The following PAFAH1B3 variants were observed in gnomAD, a reference collection of about 807,000 sequenced individuals.
PAFAH1B3 encodes the protein platelet activating factor acetylhydrolase 1b catalytic subunit 3.
Under a neutral mutation model 24.4 loss-of-function variants are expected in PAFAH1B3, and 15 were observed. That is an observed-to-expected ratio of 0.62 (90% CI 0.41 to 0.95). The LOEUF is 0.95. PAFAH1B3 is among the 40% of genes least tolerant of loss of function. The pLI is 0.00. For missense variants in PAFAH1B3, 266 were observed against 312.2 expected, an observed-to-expected ratio of 0.85 and a Z score of 1.12; for synonymous variants, 144 against 126.5, an observed-to-expected ratio of 1.14 and a Z score of -0.93.
At chr19:42,300,376 C>T in intron 2 of PAFAH1B3, 89 bp from the exon 3 acceptor site, 5 of 1,115,494 alleles carry the variant, frequency 4.5e-6, no homozygotes, top group Non-Finnish European at 6.8e-6. Flanking sequence ...AGGTGTTAAC[C>T]AAATGCCATT....
rs978507007 is a variant in PAFAH1B3, at chr19:42,302,368, C to A, written c.-59G>T. On this transcript the variant is annotated 5_prime_UTR_variant, in exon 1 of 5. Transcript: ENST00000262890. ...CGGGTCGGCCCGGGAGTGTTCCGAA[C>A]GGAGCTGGCTCCGCCACGCCCACTC... 6.1e-6 allele frequency: 9 copies of A among 1,478,764 alleles called. No homozygotes were observed. Among genetic ancestry groups the A allele is most frequent in the Non-Finnish European group, 7.3e-6 (8 of 1,093,474 alleles). The allele number at this position is 1,478,764 out of a possible 1,614,324, so 91.6% of individuals were successfully genotyped here.
rs1301387132 is a variant in PAFAH1B3, at chr19:42,300,078, C to G, written c.300G>C (p.Trp100Cys). The G allele has an allele frequency of 6.2e-7, 1 of 1,614,066 alleles. No individual in the cohort carries two copies. Among genetic ancestry groups the G allele is most frequent in the Non-Finnish European group, 8.5e-7 (1 of 1,180,044 alleles). ...EHIRPKIVVV[W>C]VGTNNHGHTA... ...TGTGTCCGTGGTTGTTGGTGCCCACCCAGACCACCACAATCTGTGGAAAAA... is the reference window on the plus strand; with the variant it reads ...TGTGTCCGTGGTTGTTGGTGCCCACGCAGACCACCACAATCTGTGGAAAAA... Residue 100 changes from tryptophan (W) to cysteine (C), a missense_variant, in exon 4 of 5, where the codon TGG becomes TGC. Trp to Cys is a radical substitution (Grantham distance 215). Transcript: ENST00000262890.
chr19:42,302,663 G>A (rs966879361), upstream of PAFAH1B3: 3 of 307,624 alleles, frequency 9.8e-6, no homozygotes, highest in Non-Finnish European at 1.9e-5. Flanking sequence ...GGAGGAGGGA[G>A]AAACCACCCA....
intron 2 of PAFAH1B3, 110 bp downstream of exon 2, chr19:42,301,840 G>C: frequency 1.2e-6 from 1 of 809,968 alleles, no homozygotes; most frequent in South Asian, 1.5e-5. Flanking sequence ...CGGGCTGCCT[G>C]AGGCCAATCT....
chr19:42,301,207 G>C (rs931286668), intron 2 of PAFAH1B3, among the ~76,000 whole-genome samples: 2 of 152,032 alleles, frequency 1.3e-5, no homozygotes, highest in Non-Finnish European at 2.9e-5. Context: ...ACCAACCTGC[G>C]CAACAGGGCA....
rs1270887120 is a variant in PAFAH1B3, at chr19:42,302,468, G to A, written c.-159C>T. 1.1e-5 allele frequency: 7 copies of A among 627,260 alleles called. No individual in the cohort carries two copies. Among genetic ancestry groups the A allele is most frequent in the African/African-American group, 1.8e-5 (1 of 54,232 alleles). The allele number at this position is 627,260 out of a possible 1,614,324, so 38.9% of individuals were successfully genotyped here. A position where few individuals can be genotyped will look rare whatever the true frequency, so the allele number is the denominator to read the frequency against. ...AGGACGAAGGCCGATACAGGGCGCC[G>A]CCTCCTCTCCAGGGACGGAAGCCTT... On this transcript the variant is annotated 5_prime_UTR_variant, in exon 1 of 5. Coordinates refer to ENST00000262890, the MANE Select transcript of PAFAH1B3 (RefSeq NM_002573.4).
In PAFAH1B3 at chr19:42,297,735, G is replaced by A. The variant is rs150390258; in HGVS notation, c.409-370C>T. 9.2e-3 allele frequency among the ~76,000 whole-genome samples: 1,397 copies of A among 151,980 alleles called. 12 individuals are homozygous for A. The highest frequency in any genetic ancestry group is 0.016 in the Non-Finnish European group (1,073 of 67,952). ...ACTACGGGCACCCACCATCATGCCC[G>A]GCTAATTTTTTGTATTTTTATTAGA... On this transcript the variant is annotated intron_variant, in intron 4 of 4. Coordinates refer to ENST00000262890, the MANE Select transcript of PAFAH1B3 (RefSeq NM_002573.4).
chr19:42,300,098 G>A lies in PAFAH1B3; in HGVS notation c.286-6C>T. 6.2e-7 allele frequency: 1 copy of A among 1,614,094 alleles called. No individual in the cohort carries two copies. On this transcript the variant is annotated splice_region_variant and splice_polypyrimidine_tract_variant and intron_variant, in intron 3 of 4. Transcript: ENST00000262890. ...CCCACCCAGACCACCACAATCTGTG[G>A]AAAAAGAGACATGAAGCAGCGGTGA...
chr19:42,300,261 C>A lies in PAFAH1B3; in HGVS notation c.195G>T (p.Leu65=). The A allele has an allele frequency of 6.2e-7, 1 of 1,614,216 alleles. No homozygotes were observed. The highest frequency in any genetic ancestry group is 8.5e-7 in the Non-Finnish European group (1 of 1,180,038). The stretch of plus-strand genomic sequence containing the variant: ...CACCAATGCCAAAGTTAAGTGCATG[C>A]AGAGGAGAGAAGAGCTCGCGCCAGA... ...CEIWRELFSP[L]HALNFGIGGD... Residue 65 remains leucine, a synonymous_variant, in exon 3 of 5, where the codon CTG becomes CTT. Transcript: ENST00000262890.
intron 4 of PAFAH1B3, 53 bp from the exon 5 acceptor site, chr19:42,297,418 C>A (rs572646376): frequency 2.2e-6 from 3 of 1,357,736 alleles, no homozygotes; most frequent in Admixed American, 3.9e-5. Flanking sequence ...GTATCTTGTT[C>A]TCTGTGCCAA....
rs1476109047 is a variant in PAFAH1B3 at position 42,302,589 on chromosome 19, C to T, written c.-280G>A. The T allele has an allele frequency of 4.8e-6, 2 of 418,702 alleles. No individual in the cohort carries two copies. Among genetic ancestry groups the T allele is most frequent in the Non-Finnish European group, 8.7e-6 (2 of 230,926 alleles). The allele number at this position is 418,702 out of a possible 1,614,324, so 25.9% of individuals were successfully genotyped here. On this transcript the variant is annotated 5_prime_UTR_variant, in exon 1 of 5. Coordinates refer to ENST00000262890, the MANE Select transcript of PAFAH1B3 (RefSeq NM_002573.4). ...GCTTCCCGCTCGGGCCGCTGACTCCCAGGCCGCGCACCCGGCACGGGGTGG... is the reference window on the plus strand; with the variant it reads ...GCTTCCCGCTCGGGCCGCTGACTCCTAGGCCGCGCACCCGGCACGGGGTGG...
chr19:42,299,667 A>T (rs1033465052), intron 4 of PAFAH1B3, among the ~76,000 whole-genome samples: 2 of 151,830 alleles, frequency 1.3e-5, no homozygotes, highest in Non-Finnish European at 2.9e-5. Context: ...TGACCTCGTG[A>T]TCCACCTGCC....
At position 42,300,059 on chromosome 19, in the gene PAFAH1B3, C is replaced by T. The variant is rs145175030; in HGVS notation, c.319G>A (p.Gly107Arg). ...VVVWVGTNNH[G>R]HTAEQVTGGI... ...CCAGTCACCTGCTCTGCTGTGTGTC[C>T]GTGGTTGTTGGTGCCCACCCAGACC... Residue 107 changes from glycine to arginine, a missense_variant, in exon 4 of 5, where the codon GGA (glycine) becomes AGA (arginine). Coordinates refer to ENST00000262890, the MANE Select transcript of PAFAH1B3 (RefSeq NM_002573.4). 36 of 1,614,058 alleles carry T rather than the reference C, an allele frequency of 2.2e-5. No homozygotes were observed. Among genetic ancestry groups the T allele is most frequent in the South Asian group, 1.3e-4 (12 of 91,090 alleles).
chr19:42,297,148 T>C lies in PAFAH1B3; in HGVS notation c.626A>G (p.His209Arg). The change falls in exon 5 of 5, where the codon CAC becomes CGC. Residue 209 changes from histidine (H) to arginine (R), a missense_variant. Transcript: ENST00000262890. The stretch of plus-strand genomic sequence containing the variant: ...GGCCAGCAGACGCAGAAGCAGGGAG[T>C]GCAGAGCCCGGCAAACAGGTGTGTA... ...LGYTPVCRAL[H>R]SLLLRLLAQD... 1 of 1,613,600 alleles carries C rather than the reference T, an allele frequency of 6.2e-7. No homozygotes were observed. Among genetic ancestry groups the C allele is most frequent in the South Asian group, 1.1e-5 (1 of 91,064 alleles).
In PAFAH1B3 at chr19:42,302,423, C is replaced by T. The variant is rs994680694; in HGVS notation, c.-114G>A. ...CCCTCGCGGCAACAAAGGACCGTCC[C>T]AACGCTAGCACACCCGCGGAGGACG... On this transcript the variant is annotated 5_prime_UTR_variant, in exon 1 of 5. Coordinates refer to ENST00000262890, the MANE Select transcript of PAFAH1B3 (RefSeq NM_002573.4). 36 of 921,780 alleles carry T rather than the reference C, an allele frequency of 3.9e-5. No homozygotes were observed. The African/African-American group carries it at 5.6e-4, about 14-fold the overall frequency. The allele number at this position is 921,780 out of a possible 1,614,324, so 57.1% of individuals were successfully genotyped here. A position where few individuals can be genotyped will look rare whatever the true frequency, so the allele number is the denominator to read the frequency against.
chr19:42,297,415 G>T (rs369703171), intron 4 of PAFAH1B3, 50 bp from the exon 5 acceptor site: 768 of 1,305,894 alleles, frequency 5.9e-4, no homozygotes, highest in Non-Finnish European at 7.4e-4. Flanking sequence ...TGAGTATCTT[G>T]TTCTCTGTGC....
rs12429 is a variant in PAFAH1B3 at position 42,297,188 on chromosome 19, G to A, written c.586C>T (p.Leu196=). Residue 196 remains leucine (L), a synonymous_variant, in exon 5 of 5, where the codon CTG becomes TTG. Transcript: ENST00000262890. The part of the protein sequence containing the change: ...SHHDMYDYLH[L]SRLGYTPVCR... ...ACAGGTGTGTAGCCCAGGCGGCTCA[G>A]ATGCAGGTAATCATACATGTCATGA... 1 of 1,614,158 alleles carries A rather than the reference G, an allele frequency of 6.2e-7. No individual in the cohort carries two copies. Among genetic ancestry groups the A allele is most frequent in the South Asian group, 1.1e-5 (1 of 91,088 alleles).
chr19:42,301,938 G>T lies in PAFAH1B3; in HGVS notation c.168+12C>A. 6.5e-7 allele frequency: 1 copy of T among 1,548,364 alleles called. No homozygotes were observed. The highest frequency in any genetic ancestry group is 8.7e-7 in the Non-Finnish European group (1 of 1,143,254). On this transcript the variant is annotated intron_variant, in intron 2 of 4. Coordinates refer to ENST00000262890, the MANE Select transcript of PAFAH1B3 (RefSeq NM_002573.4). ...GGGCTGGATGGGGCAGGGGGAGAGG[G>T]ACTGCCCTCACCTCGCACTGGTGCA... is the stretch of plus-strand genomic sequence containing the variant.
In PAFAH1B3 at chr19:42,302,123, A is replaced by G. The variant is rs939488943; in HGVS notation, c.79-84T>C. The G allele has an allele frequency of 2.4e-5, 36 of 1,493,376 alleles. No homozygotes were observed. The African/African-American group carries it at 4.6e-4, about 19-fold the overall frequency. 92.5% of individuals were successfully genotyped at this position (1,493,376 alleles called of 1,614,324 possible). ...TGCTCCCTTAGGCAGCGCCTCCTCAACTGCCCTCAGTTTCCCAATCAGGTA... is the reference window on the plus strand; with the variant it reads ...TGCTCCCTTAGGCAGCGCCTCCTCAGCTGCCCTCAGTTTCCCAATCAGGTA... On this transcript the variant is annotated intron_variant, in intron 1 of 4. Transcript: ENST00000262890.
Sources: allele counts gnomAD v4.1 joint callset (sites outside exome capture counted in the v4.1 genomes callset), GRCh38; gene constraint gnomAD v4.1.1; transcripts MANE v1.5; gene names NCBI Gene and HGNC (gene_info 2026-07-23, HGNC 2026-07-21).